Variants in OR7E24 observed in about 807,000 individuals in gnomAD.
The protein encoded by OR7E24 is olfactory receptor 7E24.
For synonymous variants in OR7E24, 130 were observed against 157.5 expected (o/e 0.83, Z 1.31); for missense variants, 385 against 410.3 (o/e 0.94, Z 0.53).
At chr19:9,214,050 G>A in the OR7E24 span, 2 of 1,614,162 alleles carry the variant, frequency 1.2e-6, no homozygotes, top group South Asian at 2.2e-5. Flanking sequence ...ATGGGTCACA[G>A]CAGAACTCAG....
chr19:9,216,278 G>T, the OR7E24 span, among the ~76,000 whole-genome samples: 5 of 152,234 alleles, frequency 3.3e-5, no homozygotes, highest in South Asian at 2.1e-4. Context: ...GGGTCTCCCT[G>T]GTTCATGTTC....
chr19:9,251,241 T>C lies in OR7E24; in HGVS notation c.198T>C (p.Ala66=), dbSNP rs558785810. ...TGGGGAACCTGCTCATCATCCTGGCTGTCAGCTCTGACTCCCACCTCCACA... is the reference window on the plus strand; with the variant it reads ...TGGGGAACCTGCTCATCATCCTGGCCGTCAGCTCTGACTCCCACCTCCACA... ...TVLGNLLIIL[A]VSSDSHLHTP... Residue 66 remains alanine (A), a synonymous_variant, in exon 1 of 1, where the codon GCT becomes GCC. Coordinates refer to ENST00000456448, the MANE Select transcript of OR7E24 (RefSeq NM_001079935.2). 2.9e-4 allele frequency: 472 copies of C among 1,613,960 alleles called. 5 individuals carry two copies. In the South Asian group the frequency reaches 4.9e-3, roughly 17 times the overall value.
At chr19:9,214,695 G>T in the OR7E24 span, 1 of 1,613,998 alleles carries the variant, frequency 6.2e-7, no homozygotes, top group African/African-American at 1.3e-5. Flanking sequence ...AGAGCTGACG[G>T]CCAGAATGAT....
chr19:9,234,116 C>G, the OR7E24 span, among the ~76,000 whole-genome samples: 1 of 152,062 alleles, frequency 6.6e-6, no homozygotes, highest in African/African-American at 2.4e-5. Flanking sequence ...GTTGGCCAGG[C>G]TGGTCTCGAA....
the OR7E24 span, among the ~76,000 whole-genome samples, chr19:9,224,746 T>C: frequency 1.3e-5 from 2 of 149,974 alleles, no homozygotes; most frequent in African/African-American, 2.5e-5. Context: ...GCCTGGGCAA[T>C]GGAGTGAGAC....
chr19:9,209,652 TTC>T, the OR7E24 span: 19 of 130,524 alleles, frequency 1.5e-4, no homozygotes, highest in African/African-American at 7.3e-4. Context: ...AACAAAACAT[TTC>T]TTTTTTTTTT....
At chr19:9,209,530 T>C in the OR7E24 span, 2 of 152,112 alleles carry the variant, frequency 1.3e-5, no homozygotes, top group Non-Finnish European at 2.9e-5. Context: ...CTTGGCTACA[T>C]AGTGAGACCC....
chr19:9,235,323 A>G, the OR7E24 span: 1 of 1,284,354 alleles, frequency 7.8e-7, no homozygotes, highest in South Asian at 1.2e-5. Context: ...GCCCCATGTA[A>G]TTCTTCCTCT....
chr19:9,209,350 A>G, the OR7E24 span: 1 of 152,178 alleles, frequency 6.6e-6, no homozygotes, highest in Non-Finnish European at 1.5e-5. Context: ...ATGATTTTAT[A>G]TCATGGTGCC....
At chr19:9,222,314 C>A in the OR7E24 span, among the ~76,000 whole-genome samples, 4 of 152,092 alleles carry the variant, frequency 2.6e-5, no homozygotes, top group African/African-American at 9.7e-5. Context: ...TTTAGTGATT[C>A]CACAAAAATT....
the OR7E24 span, among the ~76,000 whole-genome samples, chr19:9,225,263 G>A: frequency 4.6e-5 from 7 of 151,984 alleles, no homozygotes; most frequent in African/African-American, 1.5e-4. Context: ...CCAGCTACTC[G>A]GGAGGCTGAG....
At chr19:9,208,589 C>T in the OR7E24 span, 7 of 151,998 alleles carry the variant, frequency 4.6e-5, no homozygotes, top group African/African-American at 1.7e-4. Flanking sequence ...TTTTACTTTA[C>T]ACTGAGCTAC....
the OR7E24 span, chr19:9,219,122 T>G: frequency 6.6e-6 from 1 of 152,294 alleles, no homozygotes; most frequent in Admixed American, 6.5e-5. Context: ...ACTCTGGGTC[T>G]GGTAACCAAT....
chr19:9,251,293 C>T lies in OR7E24; in HGVS notation c.250C>T (p.Leu84=), dbSNP rs201369429. The change falls in exon 1 of 1, where the codon CTG becomes TTG. Residue 84 remains leucine (L), a synonymous_variant. Coordinates refer to ENST00000456448, the MANE Select transcript of OR7E24 (RefSeq NM_001079935.2). ...HTPMYFFLSN[L]SLADIGFTST... is the part of the protein sequence containing the mutation. ...CCCCATGTACTTCTTCCTCTCCAAC[C>T]TGTCCTTGGCTGACATCGGTTTCAC... 6.8e-6 allele frequency: 11 copies of T among 1,614,128 alleles called. No individual in the cohort carries two copies. Among genetic ancestry groups the T allele is most frequent in the Middle Eastern group, 3.3e-4 (2 of 6,062 alleles).
chr19:9,210,352 A>G, the OR7E24 span: 1 of 152,250 alleles, frequency 6.6e-6, no homozygotes, highest in Non-Finnish European at 1.5e-5. Flanking sequence ...TGTACCTACA[A>G]TCTCACCACT....
At chr19:9,247,658 G>T, upstream of OR7E24, 1 of 397,502 alleles carries the variant, frequency 2.5e-6, no homozygotes, top group South Asian at 1.4e-4. Flanking sequence ...TTTATTTTCA[G>T]GGTTTATGTT....
chr19:9,225,103 G>A, the OR7E24 span, among the ~76,000 whole-genome samples: 11 of 152,040 alleles, frequency 7.2e-5, no homozygotes, highest in Admixed American at 2.0e-4. Flanking sequence ...GGTCGGGTGC[G>A]GTGGCCCATG....
the OR7E24 span, among the ~76,000 whole-genome samples, chr19:9,221,065 G>A: frequency 6.6e-6 from 1 of 152,022 alleles, no homozygotes; most frequent in Non-Finnish European, 1.5e-5. Flanking sequence ...ACAGGGTCAG[G>A]CGATCGAGAC....
At chr19:9,219,131 A>G in the OR7E24 span, 2 of 152,288 alleles carry the variant, frequency 1.3e-5, no homozygotes, top group East Asian at 3.9e-4. Flanking sequence ...CTGGTAACCA[A>G]TAATCTGCCA....
Sources: allele counts gnomAD v4.1 joint callset (sites outside exome capture counted in the v4.1 genomes callset), GRCh38; gene constraint gnomAD v4.1.1; transcripts MANE v1.5; gene names NCBI Gene and HGNC (gene_info 2026-07-23, HGNC 2026-07-21).